Variants in PTPRM observed in about 807,000 individuals in gnomAD.
PTPRM encodes the protein receptor-type tyrosine-protein phosphatase mu.
PTPRM carries 47 observed loss-of-function variants against 186.7 expected under a neutral mutation model. The ratio of observed to expected loss-of-function variants is 0.25; its 90% CI spans 0.20 to 0.32. The LOEUF (loss-of-function observed/expected upper bound fraction) is 0.32. PTPRM is among the 10% of genes least tolerant of loss of function. The probability of loss-of-function intolerance (pLI) is 1.00; values close to 1 mark genes in which losing one functional copy is unlikely to be tolerated. For synonymous variants in PTPRM, 668 were observed against 674.9 expected, an observed-to-expected ratio of 0.99 and a Z score of 0.16; for missense variants, 1,494 against 1,865.0, an observed-to-expected ratio of 0.80 and a Z score of 3.66.
chr18:8,309,847 T>C (rs1042354346), intron 20 of PTPRM, among the ~76,000 whole-genome samples: 20 of 152,120 alleles, frequency 1.3e-4, no homozygotes, highest in Admixed American at 7.2e-4. Context: ...GTATTTTTGA[T>C]CTGTAGGAGA....
chr18:8,100,484 G>A (rs2091244390), intron 11 of PTPRM, among the ~76,000 whole-genome samples: 2 of 152,234 alleles, frequency 1.3e-5, no homozygotes, highest in African/African-American at 4.8e-5. Context: ...TGCAAACTCA[G>A]AGTGAGATAT....
chr18:7,650,236 T>A (rs1161731905), intron 1 of PTPRM, among the ~76,000 whole-genome samples: 1 of 152,136 alleles, frequency 6.6e-6, no homozygotes. Flanking sequence ...AACCAATCCT[T>A]GCAGATACTA....
intron 19 of PTPRM, among the ~76,000 whole-genome samples, chr18:8,285,199 T>C (rs2094943144): frequency 6.6e-6 from 1 of 152,244 alleles, no homozygotes. Context: ...TCACAGGTTT[T>C]AATACAGAAA....
intron 13 of PTPRM, chr18:8,121,806 G>A (rs2092184483): frequency 6.6e-6 from 1 of 152,208 alleles, no homozygotes; most frequent in African/African-American, 2.4e-5. Flanking sequence ...TTCAACAATA[G>A]AATGTTGAAA....
intron 17 of PTPRM, among the ~76,000 whole-genome samples, 200 bp from the exon 18 acceptor site, chr18:8,252,288 A>AGT (rs2147383866): frequency 6.6e-6 from 1 of 152,342 alleles, no homozygotes; most frequent in Non-Finnish European, 1.5e-5. Flanking sequence ...TTTGTTATGG[A>AGT]GTACTTAAAT....
chr18:8,287,970 A>G (rs1346615737), intron 19 of PTPRM, among the ~76,000 whole-genome samples: 1 of 152,202 alleles, frequency 6.6e-6, no homozygotes, highest in African/African-American at 2.4e-5. Context: ...TTGCAAGGGC[A>G]CTGCAGTGAG....
intron 7 of PTPRM, among the ~76,000 whole-genome samples, chr18:8,037,554 G>A (rs1355747664): frequency 6.6e-6 from 1 of 152,098 alleles, no homozygotes; most frequent in East Asian, 1.9e-4. Flanking sequence ...TGCTCATTTT[G>A]AGAAATGAGT....
chr18:8,396,987 G>A (rs535696151), intron 32 of PTPRM, among the ~76,000 whole-genome samples: 1 of 152,332 alleles, frequency 6.6e-6, no homozygotes, highest in East Asian at 1.9e-4. Flanking sequence ...GGGTGATAAA[G>A]TCTGGTACAG....
chr18:8,124,385 G>C (rs2145848653), intron 13 of PTPRM, among the ~76,000 whole-genome samples: 1 of 152,114 alleles, frequency 6.6e-6, no homozygotes. Context: ...CTTTTTTAAG[G>C]GATTTATTCA....
At chr18:7,687,180 G>A (rs1018850312) in intron 1 of PTPRM, among the ~76,000 whole-genome samples, 3 of 152,076 alleles carry the variant, frequency 2.0e-5, no homozygotes, top group African/African-American at 7.2e-5. Context: ...TATTGATAAT[G>A]TAATTTTGTC....
intron 1 of PTPRM, among the ~76,000 whole-genome samples, chr18:7,760,675 A>G (rs1038303363): frequency 5.3e-5 from 8 of 152,198 alleles, no homozygotes; most frequent in African/African-American, 1.9e-4. Context: ...CTAGATAGGT[A>G]AGTAGGTCGA....
At chr18:7,872,588 T>C (rs1364896717) in intron 2 of PTPRM, among the ~76,000 whole-genome samples, 2 of 152,218 alleles carry the variant, frequency 1.3e-5, no homozygotes, top group Non-Finnish European at 1.5e-5. Flanking sequence ...GTATTACTTC[T>C]TGTACATTTC....
At chr18:8,114,769 T>C in intron 12 of PTPRM, 22 bp from the exon 13 acceptor site, 1 of 1,588,740 alleles carries the variant, frequency 6.3e-7, no homozygotes, top group Non-Finnish European at 8.6e-7. Context: ...TAATGATTTT[T>C]CCCTCTCTTT....
At chr18:7,965,426 G>A (rs1016420235) in intron 7 of PTPRM, among the ~76,000 whole-genome samples, 1 of 152,076 alleles carries the variant, frequency 6.6e-6, no homozygotes, top group African/African-American at 2.4e-5. Context: ...GAGGTGCGCT[G>A]GGAGACATGT....
chr18:8,362,607 AT>A (rs2095603806), intron 23 of PTPRM, among the ~76,000 whole-genome samples: 1 of 152,026 alleles, frequency 6.6e-6, no homozygotes. Flanking sequence ...AGTCTAGAAT[AT>A]CCCTCTCTTC....
At position 8,343,451 on chromosome 18, in the gene PTPRM, C is replaced by A. The variant is rs1351529372; in HGVS notation, c.2985C>A (p.Phe995Leu). The change falls in exon 23 of 33, where the codon TTC becomes TTA. Residue 995 changes from phenylalanine (F) to leucine (L), a missense_variant. Phe to Leu is a conservative substitution (Grantham distance 22, BLOSUM62 0). Transcript: ENST00000580170. ...QGPMQETIYD[F>L]WRMVWHENTA... ...CAATGCAGGAAACCATCTATGACTT[C>A]TGGAGGATGGTGTGGCACGAAAACA... 2 of 1,613,844 alleles carry A rather than the reference C, an allele frequency of 1.2e-6. No homozygotes were observed. The highest frequency in any genetic ancestry group is 3.3e-5 in the Admixed American group (2 of 59,964).
intron 1 of PTPRM, among the ~76,000 whole-genome samples, chr18:7,579,448 T>C (rs560724030): frequency 6.6e-6 from 1 of 152,384 alleles, no homozygotes; most frequent in African/African-American, 2.4e-5. Context: ...AGGATTACTA[T>C]TAATACATGA....
intron 1 of PTPRM, among the ~76,000 whole-genome samples, chr18:7,730,152 AAATG>A (rs2040628459): frequency 6.6e-6 from 1 of 152,172 alleles, no homozygotes; most frequent in East Asian, 1.9e-4. Context: ...AAACATACTA[AAATG>A]CATGATAACT....
At chr18:8,077,230 G>A (rs1164410754) in intron 9 of PTPRM, among the ~76,000 whole-genome samples, 1 of 152,006 alleles carries the variant, frequency 6.6e-6, no homozygotes, top group Admixed American at 6.6e-5. Context: ...GTTTTTTTAA[G>A]CTAGCATTTA....
Sources: gnomAD v4.1 joint callset for allele counts (sites outside exome capture counted in the v4.1 genomes callset) on GRCh38, gnomAD v4.1.1 for gene constraint, MANE v1.5 for transcripts, NCBI Gene and HGNC (gene_info 2026-07-23, HGNC 2026-07-21) for gene names.